The following ANKS1B variants were observed in gnomAD, a reference collection of about 807,000 sequenced individuals.
ANKS1B encodes the protein ankyrin repeat and sterile alpha motif domain-containing protein 1B.
ANKS1B carries 36 observed loss-of-function variants against 148.3 expected under a neutral mutation model. The ratio of observed to expected loss-of-function variants is 0.24; its 90% CI spans 0.19 to 0.32. ANKS1B has a LOEUF of 0.32. ANKS1B is among the 10% of genes least tolerant of loss of function. The pLI is 1.00. For synonymous variants in ANKS1B, 542 were observed against 560.8 expected, an observed-to-expected ratio of 0.97 and a Z score of 0.47; for missense variants, 1,157 against 1,542.6, an observed-to-expected ratio of 0.75 and a Z score of 4.19.
intron 8 of ANKS1B, among the ~76,000 whole-genome samples, chr12:99,719,218 G>C (rs149831324): frequency 0.026 from 3,991 of 152,222 alleles, 86 homozygotes; most frequent in Middle Eastern, 0.054. Context: ...ACTCTCTACA[G>C]TTCTCATAAC....
At chr12:99,349,383 A>G (rs1235804579) in intron 12 of ANKS1B, among the ~76,000 whole-genome samples, 1 of 151,998 alleles carries the variant, frequency 6.6e-6, no homozygotes, top group Non-Finnish European at 1.5e-5. Flanking sequence ...ATACTATCCA[A>G]TTAAAAGGCA....
intron 17 of ANKS1B, among the ~76,000 whole-genome samples, chr12:98,847,840 C>T (rs1346021572): frequency 2.0e-5 from 3 of 152,168 alleles, no homozygotes; most frequent in African/African-American, 7.2e-5. Context: ...AGGTGATTTG[C>T]CCGCCTCAGC....
At position 99,792,416 on chromosome 12, in the gene ANKS1B, T is replaced by C. The variant is rs116935460; in HGVS notation, c.670-10319A>G. Among the ~76,000 whole-genome samples the C allele has an allele frequency of 7.8e-3, 1,178 of 151,828 alleles. 4 individuals are homozygous for C. The highest frequency in any genetic ancestry group is 0.011 in the Non-Finnish European group (753 of 67,708). On this transcript the variant is annotated intron_variant, in intron 4 of 26. Transcript: ENST00000683438. ...CAAGGCCAGTATTAATCTGATACTATACCCCAAGACACACCAAAAAAAGAA... is the reference window on the plus strand; with the variant it reads ...CAAGGCCAGTATTAATCTGATACTACACCCCAAGACACACCAAAAAAAGAA...
intron 9 of ANKS1B, chr12:99,648,256 C>G (rs1282799202): frequency 1.9e-6 from 3 of 1,614,214 alleles, no homozygotes; most frequent in Middle Eastern, 1.6e-4. Context: ...CATGGGGAAG[C>G]TGCAGCGGCA....
chr12:99,612,513 C>A (rs577744131), intron 9 of ANKS1B, among the ~76,000 whole-genome samples: 2 of 152,220 alleles, frequency 1.3e-5, no homozygotes, highest in Admixed American at 1.3e-4. Context: ...TAAGAAACAA[C>A]ACATAGGTTG....
Position 99,839,249 on chromosome 12 carries a change from T to A in ANKS1B, c.135-13860A>T, listed in dbSNP as rs115978791. Among the ~76,000 whole-genome samples, 1,228 of 152,116 alleles carry A rather than the reference T, an allele frequency of 8.1e-3. 17 individuals carry two copies. Among genetic ancestry groups the A allele is most frequent in the African/African-American group, 0.028 (1,160 of 41,516 alleles). ...ATAAGTATAGTCAAATTGTCAAATTTAAAAAAAAGTTTTGGCTGTAATTGC... is the reference window on the plus strand; with the variant it reads ...ATAAGTATAGTCAAATTGTCAAATTAAAAAAAAAGTTTTGGCTGTAATTGC... On this transcript the variant is annotated intron_variant, in intron 1 of 26. Coordinates refer to ENST00000683438, the MANE Select transcript of ANKS1B (RefSeq NM_001352186.2).
intron 1 of ANKS1B, among the ~76,000 whole-genome samples, chr12:99,908,105 T>TA (rs1171180527): frequency 6.6e-6 from 1 of 152,130 alleles, no homozygotes; most frequent in Non-Finnish European, 1.5e-5. Context: ...GAAATCAGAA[T>TA]AATAGCACCA....
intron 1 of ANKS1B, among the ~76,000 whole-genome samples, chr12:99,869,618 T>C (rs768261222): frequency 6.6e-6 from 1 of 150,900 alleles, no homozygotes. Context: ...GAGGCAAAGG[T>C]TGTGGTGGGC....
chr12:99,162,643 C>T (rs509885), intron 14 of ANKS1B, among the ~76,000 whole-genome samples: 126,043 of 152,188 alleles, frequency 0.83, 52,557 homozygotes, highest in East Asian at 0.99. Flanking sequence ...AACACACACA[C>T]ACACACAAAG....
In ANKS1B at chr12:99,043,166, A is replaced by G. The variant is rs570062090; in HGVS notation, c.2778+9991T>C. Among the ~76,000 whole-genome samples, 8 of 152,326 alleles carry G rather than the reference A, an allele frequency of 5.3e-5. No homozygotes were observed. In the East Asian group the frequency reaches 1.5e-3, roughly 29 times the overall value. On this transcript the variant is annotated intron_variant, in intron 17 of 26. Transcript: ENST00000683438. ...TAAAAAAGATCATAGTCATGTTTTAAGGTAGCTATTCCATAAAACATATAA... is the reference window on the plus strand; with the variant it reads ...TAAAAAAGATCATAGTCATGTTTTAGGGTAGCTATTCCATAAAACATATAA...
At chr12:99,641,857 C>CGGAA (rs2098310803) in intron 9 of ANKS1B, among the ~76,000 whole-genome samples, 1 of 151,890 alleles carries the variant, frequency 6.6e-6, no homozygotes, top group Non-Finnish European at 1.5e-5. Flanking sequence ...GCTATTCCGT[C>CGGAA]TATTTTTTTA....
chr12:99,674,648 G>A (rs989187217), intron 8 of ANKS1B, among the ~76,000 whole-genome samples: 1 of 151,670 alleles, frequency 6.6e-6, no homozygotes, highest in Non-Finnish European at 1.5e-5. Flanking sequence ...GATGGGAAAT[G>A]AGTTTATGTG....
chr12:99,128,479 C>T (rs2372733), intron 15 of ANKS1B, among the ~76,000 whole-genome samples: 6 of 152,062 alleles, frequency 3.9e-5, no homozygotes, highest in East Asian at 1.9e-4. Flanking sequence ...TTCATTATTT[C>T]CTATTAGAAT....
chr12:99,028,853 G>T (rs1247869160), intron 17 of ANKS1B, among the ~76,000 whole-genome samples: 1 of 152,114 alleles, frequency 6.6e-6, no homozygotes, highest in East Asian at 1.9e-4. Context: ...TGTTTAATAT[G>T]AACTTCAATG....
chr12:99,749,863 C>T (rs1165486572), intron 8 of ANKS1B, among the ~76,000 whole-genome samples: 4 of 151,818 alleles, frequency 2.6e-5, no homozygotes, highest in Admixed American at 2.6e-4. Context: ...AAATCCAGTA[C>T]ACAAAATAAA....
In ANKS1B at chr12:99,678,547, T is replaced by C. The variant is rs371291480; in HGVS notation, c.1129-23337A>G. Among the ~76,000 whole-genome samples the C allele has an allele frequency of 2.6e-3, 392 of 152,240 alleles. 2 individuals are homozygous for C. The highest frequency in any genetic ancestry group is 0.01 in the South Asian group (50 of 4,818). ...CAAGGAGAGAAAATTCTCCTACCTGTTTACTAAGAGAGCCCAAGTGTCCCT... is the reference window on the plus strand; with the variant it reads ...CAAGGAGAGAAAATTCTCCTACCTGCTTACTAAGAGAGCCCAAGTGTCCCT... On this transcript the variant is annotated intron_variant, in intron 8 of 26. Coordinates refer to ENST00000683438, the MANE Select transcript of ANKS1B (RefSeq NM_001352186.2).
chr12:99,257,370 A>AT (rs893017005), intron 12 of ANKS1B, among the ~76,000 whole-genome samples: 1 of 151,966 alleles, frequency 6.6e-6, no homozygotes, highest in African/African-American at 2.4e-5. Context: ...ATTTTGGGGA[A>AT]TTTTTTTCAA....
At chr12:99,127,851 C>CT (rs1217954012) in intron 15 of ANKS1B, among the ~76,000 whole-genome samples, 2 of 152,194 alleles carry the variant, frequency 1.3e-5, no homozygotes, top group African/African-American at 2.4e-5. Context: ...ACAAATTAGA[C>CT]TTTTTTAAAT....
chr12:99,664,260 T>C (rs1567595172), intron 8 of ANKS1B, among the ~76,000 whole-genome samples: 1 of 152,084 alleles, frequency 6.6e-6, no homozygotes, highest in Non-Finnish European at 1.5e-5. Context: ...AACATTTTTC[T>C]AAAAGTTTAC....
Sources: allele counts gnomAD v4.1 joint callset (sites outside exome capture counted in the v4.1 genomes callset), GRCh38; gene constraint gnomAD v4.1.1; transcripts MANE v1.5; gene names NCBI Gene and HGNC (gene_info 2026-07-23, HGNC 2026-07-21).